Variants in RAB6A observed in about 807,000 individuals in gnomAD.
RAB6A encodes the protein ras-related protein Rab-6A.
RAB6A carries 8 observed loss-of-function variants against 32.3 expected under a neutral mutation model. The observed-to-expected ratio is 0.25, with a 90% CI of 0.15 to 0.45. The LOEUF is 0.45. RAB6A is among the 20% of genes least tolerant of loss of function. The pLI is 1.00. For missense variants in RAB6A, 104 were observed against 249.4 expected (o/e 0.42, Z 3.93); for synonymous variants, 73 against 82.1 (o/e 0.89, Z 0.60).
At chr11:73,757,130 T>TATATATATATA (rs57416985) in intron 1 of RAB6A, among the ~76,000 whole-genome samples, 7 of 29,594 alleles carry the variant, frequency 2.4e-4, no homozygotes, top group Admixed American at 1.2e-3. Flanking sequence ...TATATATATA[T>TATATATATATA]TTTTTTTTTT....
intron 6 of RAB6A, 104 bp downstream of exon 6, chr11:73,707,316 A>C: frequency 2.7e-6 from 2 of 728,548 alleles, no homozygotes; most frequent in Non-Finnish European, 4.6e-6. Context: ...GCTAGTTTGT[A>C]AGGCCTGCTC....
intron 2 of RAB6A, among the ~76,000 whole-genome samples, chr11:73,726,411 T>C (rs1276426849): frequency 1.3e-5 from 2 of 149,502 alleles, no homozygotes; most frequent in Non-Finnish European, 3.0e-5. Flanking sequence ...TGAAACCCTG[T>C]CTCTACTAAA....
intron 1 of RAB6A, among the ~76,000 whole-genome samples, chr11:73,736,002 G>C (rs1203494668): frequency 6.8e-6 from 1 of 146,016 alleles, no homozygotes; most frequent in South Asian, 2.2e-4. Flanking sequence ...TTTTTTTTTG[G>C]AAACAGAGTG....
chr11:73,686,021 T>G (rs998845774), intron 6 of RAB6A, among the ~76,000 whole-genome samples: 1 of 151,960 alleles, frequency 6.6e-6, no homozygotes, highest in African/African-American at 2.4e-5. Flanking sequence ...CTGCAGTGAA[T>G]TCTAGGACTA....
intron 2 of RAB6A, among the ~76,000 whole-genome samples, chr11:73,728,896 A>G (rs748107352): frequency 5.3e-5 from 8 of 152,054 alleles, no homozygotes; most frequent in Non-Finnish European, 1.0e-4. Flanking sequence ...GAATTGACCA[A>G]TGAAATTATC....
intron 2 of RAB6A, among the ~76,000 whole-genome samples, chr11:73,721,655 C>T (rs1353971386): frequency 6.6e-6 from 1 of 152,024 alleles, no homozygotes; most frequent in East Asian, 1.9e-4. Context: ...AGACAGACTC[C>T]AGAAAGAGGA....
At chr11:73,725,670 A>T (rs1946205947) in intron 2 of RAB6A, among the ~76,000 whole-genome samples, 1 of 152,166 alleles carries the variant, frequency 6.6e-6, no homozygotes, top group African/African-American at 2.4e-5. Flanking sequence ...ACCCCCAATG[A>T]TTCAATTATC....
chr11:73,704,028 C>CAAA, intron 6 of RAB6A: 1 of 99,850 alleles, frequency 1.0e-5, no homozygotes, highest in Non-Finnish European at 2.1e-5. Context: ...GACTCCATCT[C>CAAA]AAAAAAAAAA....
intron 6 of RAB6A, among the ~76,000 whole-genome samples, chr11:73,701,345 T>C (rs1321488840): frequency 6.6e-6 from 1 of 152,206 alleles, no homozygotes; most frequent in East Asian, 1.9e-4. Flanking sequence ...ATAACAGGCA[T>C]GTAAGACTGT....
intron 1 of RAB6A, among the ~76,000 whole-genome samples, chr11:73,755,878 GAGGAGGAGA>G (rs748193593): frequency 1.1e-3 from 174 of 151,648 alleles, no homozygotes; most frequent in Admixed American, 6.3e-3. Flanking sequence ...AGAACAAGAG[GAGGAGGAGA>G]AGGAAGAGGA....
intron 1 of RAB6A, among the ~76,000 whole-genome samples, chr11:73,760,357 G>A (rs538004681): frequency 1.3e-5 from 2 of 152,268 alleles, no homozygotes; most frequent in South Asian, 2.1e-4. Flanking sequence ...GAGCCGGGGA[G>A]TCGAGGATTG....
At chr11:73,746,696 T>G (rs1485149309) in intron 1 of RAB6A, among the ~76,000 whole-genome samples, 1 of 151,424 alleles carries the variant, frequency 6.6e-6, no homozygotes, top group African/African-American at 2.4e-5. Context: ...AGACTGAGGC[T>G]GCAGTGAGCA....
chr11:73,706,241 C>A (rs933705484), intron 6 of RAB6A, among the ~76,000 whole-genome samples: 1 of 152,050 alleles, frequency 6.6e-6, no homozygotes, highest in African/African-American at 2.4e-5. Flanking sequence ...CTAGGCCGGG[C>A]GTGGTGGCTC....
intron 2 of RAB6A, chr11:73,730,403 C>T: frequency 6.0e-6 from 1 of 167,090 alleles, no homozygotes; most frequent in East Asian, 1.6e-4. Context: ...AAATATCCTT[C>T]TGTTAATGAT....
intron 3 of RAB6A, among the ~76,000 whole-genome samples, chr11:73,719,591 G>C (rs1269771946): frequency 1.3e-5 from 2 of 151,704 alleles, no homozygotes; most frequent in Non-Finnish European, 2.9e-5. Context: ...CTTGCATCAT[G>C]ATAAAGTCGT....
At chr11:73,755,820 G>A (rs1045745316) in intron 1 of RAB6A, among the ~76,000 whole-genome samples, 17 of 149,714 alleles carry the variant, frequency 1.1e-4, no homozygotes, top group African/African-American at 4.0e-4. Context: ...AAAGGGGGAA[G>A]GAAGGGAGAA....
rs2134851919 is a variant in RAB6A at position 73,676,342 on chromosome 11, C to T, written c.*1556G>A. Reference sequence around the variant, plus strand: ...ATTTACAAATGTGTTTATTAGCTTACACAGCAATCTCACAATAACTAGTAA... The same window carrying T: ...ATTTACAAATGTGTTTATTAGCTTATACAGCAATCTCACAATAACTAGTAA... On this transcript the variant is annotated 3_prime_UTR_variant, in exon 8 of 8. Coordinates refer to ENST00000336083, the MANE Select transcript of RAB6A (RefSeq NM_198896.2). 1 of 167,188 alleles carries T rather than the reference C, an allele frequency of 6.0e-6. No individual in the cohort carries two copies. The highest frequency in any genetic ancestry group is 2.1e-4 in the South Asian group (1 of 4,830). The allele number at this position is 167,188 out of a possible 1,614,324, so 10.4% of individuals were successfully genotyped here. A position where few individuals can be genotyped will look rare whatever the true frequency, so the allele number is the denominator to read the frequency against.
chr11:73,708,417 T>A (rs961211254), intron 5 of RAB6A, among the ~76,000 whole-genome samples: 2 of 152,074 alleles, frequency 1.3e-5, no homozygotes, highest in African/African-American at 4.8e-5. Context: ...GATCCACCCA[T>A]CTCAGCCTAC....
intron 6 of RAB6A, among the ~76,000 whole-genome samples, chr11:73,681,650 A>G (rs1396378395): frequency 6.6e-6 from 1 of 152,172 alleles, no homozygotes; most frequent in Admixed American, 6.6e-5. Context: ...CTCTACTAAG[A>G]ATACAAAAAT....
Sources: allele counts gnomAD v4.1 joint callset (sites outside exome capture counted in the v4.1 genomes callset), GRCh38; gene constraint gnomAD v4.1.1; transcripts MANE v1.5; gene names NCBI Gene and HGNC (gene_info 2026-07-23, HGNC 2026-07-21).